Variants in UBE2H observed in about 807,000 individuals in gnomAD.
UBE2H encodes ubiquitin conjugating enzyme E2 H, also known as ubiquitin-conjugating enzyme E2 H.
In UBE2H, 3 loss-of-function variants were observed where a neutral mutation model predicts 29.0. The observed-to-expected ratio is 0.10, with a 90% confidence interval of 0.05 to 0.27. UBE2H has a LOEUF of 0.27. Among genes scored for constraint, UBE2H ranks in the 10% least tolerant of loss-of-function variants. The probability of loss-of-function intolerance (pLI) is 1.00; values close to 1 mark genes in which losing one functional copy is unlikely to be tolerated. For missense variants in UBE2H, 68 were observed against 228.2 expected, an observed-to-expected ratio of 0.30 and a Z score of 4.52; for synonymous variants, 69 against 82.9, an observed-to-expected ratio of 0.83 and a Z score of 0.91.
chr7:129,910,058 C>T (rs757588528), intron 1 of UBE2H, among the ~76,000 whole-genome samples: 8 of 151,846 alleles, frequency 5.3e-5, no homozygotes, highest in Non-Finnish European at 1.0e-4. Context: ...TTGCCAGGCA[C>T]GGTGGCTCGC....
intron 5 of UBE2H, among the ~76,000 whole-genome samples, chr7:129,850,029 T>C (rs1031222460): frequency 6.6e-6 from 1 of 151,718 alleles, no homozygotes; most frequent in African/African-American, 2.4e-5. Context: ...CGAAAAGAAG[T>C]GGGATGCTTA....
intron 3 of UBE2H, among the ~76,000 whole-genome samples, chr7:129,863,808 G>GGTTTTTTTTTTCTGTTT (rs1690074435): frequency 2.2e-5 from 3 of 136,042 alleles, no homozygotes; most frequent in African/African-American, 8.3e-5. Context: ...AATACTAGGT[G>GGTTTTTTTTTTCTGTTT]TTTTTTTTTT....
chr7:129,890,335 G>A (rs926392776), intron 1 of UBE2H, among the ~76,000 whole-genome samples: 8 of 151,136 alleles, frequency 5.3e-5, no homozygotes, highest in African/African-American at 1.5e-4. Context: ...ATATACGTGT[G>A]TATATATATG....
intron 3 of UBE2H, among the ~76,000 whole-genome samples, chr7:129,867,724 C>CAAAAAAAAAAAAAAAAAAAAAAAAA (rs1473451530): frequency 4.8e-4 from 15 of 31,182 alleles, no homozygotes; most frequent in East Asian, 9.3e-4. Flanking sequence ...AAAAGAAAAC[C>CAAAAAAAAAAAAAAAAAAAAAAAAA]AAAAAAAAAA....
chr7:129,938,808 G>GTT (rs1456657433), intron 1 of UBE2H, among the ~76,000 whole-genome samples: 3 of 147,824 alleles, frequency 2.0e-5, no homozygotes, highest in African/African-American at 5.0e-5. Context: ...TGTTTTTTTT[G>GTT]TTTTTTTTTG....
intron 1 of UBE2H, among the ~76,000 whole-genome samples, chr7:129,947,704 C>A (rs1467340882): frequency 1.3e-5 from 2 of 152,122 alleles, no homozygotes; most frequent in African/African-American, 4.8e-5. Context: ...CTCAAAAAGG[C>A]ACTACACACA....
In UBE2H at chr7:129,875,903, A is replaced by T. The variant is rs151301962; in HGVS notation, c.205+3665T>A. Among the ~76,000 whole-genome samples the T allele has an allele frequency of 4.6e-3, 706 of 152,276 alleles. 7 individuals are homozygous for T. Among genetic ancestry groups the T allele is most frequent in the African/African-American group, 0.016 (678 of 41,552 alleles). On this transcript the variant is annotated intron_variant, in intron 3 of 6. Transcript: ENST00000355621. ...AAAACAAAATCTTCATGAACTGGGG[A>T]TTACTTGGGGTTCTGAATGAGTATC...
intron 3 of UBE2H, among the ~76,000 whole-genome samples, chr7:129,860,305 AG>A (rs1394948042): frequency 6.6e-6 from 1 of 152,188 alleles, no homozygotes; most frequent in East Asian, 1.9e-4. Context: ...TACAATCAAG[AG>A]GGCCTATGTG....
chr7:129,942,640 G>C (rs559419910), intron 1 of UBE2H, among the ~76,000 whole-genome samples: 29 of 152,190 alleles, frequency 1.9e-4, no homozygotes, highest in African/African-American at 7.0e-4. Flanking sequence ...CTTCAACAGA[G>C]TGCTCCAGAA....
At chr7:129,873,650 G>A (rs958333426) in intron 3 of UBE2H, among the ~76,000 whole-genome samples, 1 of 151,324 alleles carries the variant, frequency 6.6e-6, no homozygotes, top group African/African-American at 2.4e-5. Flanking sequence ...ATTGCTCAGG[G>A]TGGTCTCAAA....
intron 1 of UBE2H, among the ~76,000 whole-genome samples, chr7:129,918,049 C>T (rs1032012095): frequency 6.6e-6 from 1 of 152,148 alleles, no homozygotes; most frequent in African/African-American, 2.4e-5. Flanking sequence ...CTGTAATTTG[C>T]TCTCCAAAAA....
At chr7:129,920,918 T>C (rs1285562008) in intron 1 of UBE2H, among the ~76,000 whole-genome samples, 3 of 151,306 alleles carry the variant, frequency 2.0e-5, no homozygotes, top group Non-Finnish European at 4.4e-5. Flanking sequence ...TGGCTCACTG[T>C]TTAGGTGGTC....
intron 1 of UBE2H, among the ~76,000 whole-genome samples, chr7:129,886,901 A>C (rs2116387684): frequency 6.6e-6 from 1 of 152,108 alleles, no homozygotes; most frequent in Non-Finnish European, 1.5e-5. Flanking sequence ...GGAAATATTT[A>C]CTAATAAAAA....
chr7:129,921,585 G>A (rs554778036), intron 1 of UBE2H, among the ~76,000 whole-genome samples: 1 of 151,224 alleles, frequency 6.6e-6, no homozygotes, highest in East Asian at 2.0e-4. Flanking sequence ...TGTGGTCCCA[G>A]CTACTTGGGA....
At chr7:129,907,652 A>G (rs1042142112) in intron 1 of UBE2H, among the ~76,000 whole-genome samples, 5 of 152,230 alleles carry the variant, frequency 3.3e-5, no homozygotes, top group Admixed American at 1.3e-4. Flanking sequence ...GCACAATTTT[A>G]GGAAAATTAA....
intron 3 of UBE2H, among the ~76,000 whole-genome samples, chr7:129,867,934 T>C (rs1318641452): frequency 6.6e-6 from 1 of 152,178 alleles, no homozygotes; most frequent in African/African-American, 2.4e-5. Flanking sequence ...GCAAATTGGA[T>C]GTCATAATCT....
At chr7:129,886,931 T>C (rs1806375187) in intron 1 of UBE2H, among the ~76,000 whole-genome samples, 1 of 152,102 alleles carries the variant, frequency 6.6e-6, no homozygotes, top group African/African-American at 2.4e-5. Context: ...GATTTGCTAG[T>C]AAATAACCCA....
At chr7:129,856,247 A>G (rs1805702970) in intron 5 of UBE2H, among the ~76,000 whole-genome samples, 1 of 152,180 alleles carries the variant, frequency 6.6e-6, no homozygotes, top group Non-Finnish European at 1.5e-5. Flanking sequence ...TCAGACCACT[A>G]AAAGGTCGTA....
intron 1 of UBE2H, among the ~76,000 whole-genome samples, chr7:129,925,920 C>T (rs1807259697): frequency 6.6e-6 from 1 of 152,186 alleles, no homozygotes; most frequent in Non-Finnish European, 1.5e-5. Flanking sequence ...CTACATTATT[C>T]CAGAACTGTT....
Sources: allele counts gnomAD v4.1 joint callset (sites outside exome capture counted in the v4.1 genomes callset), GRCh38; gene constraint gnomAD v4.1.1; transcripts MANE v1.5; gene names NCBI Gene and HGNC (gene_info 2026-07-23, HGNC 2026-07-21).